DLGAP2: variants seen among roughly 807,000 people sequenced by gnomAD.
DLGAP2 encodes DLG associated protein 2.
A neutral mutation model predicts 100.3 loss-of-function variants in DLGAP2; 26 were observed. The observed-to-expected ratio is 0.26, with a 90% CI of 0.19 to 0.36. The LOEUF is 0.36. Ranked by LOEUF, DLGAP2 falls within the 10% of genes least tolerant of loss-of-function variation. DLGAP2 has a pLI of 1.00. For missense variants in DLGAP2, 1,858 were observed against 1,453.2 expected (o/e 1.28, Z -4.53); for synonymous variants, 886 against 630.1 (o/e 1.41, Z -6.08).
chr8:1,095,833 G>A (rs572657286), intron 2 of DLGAP2, among the ~76,000 whole-genome samples: 1 of 152,314 alleles, frequency 6.6e-6, no homozygotes, highest in South Asian at 2.1e-4. Context: ...ATTAGGAAGA[G>A]CTTATTTATT....
intron 2 of DLGAP2, among the ~76,000 whole-genome samples, chr8:1,105,554 G>A (rs555600757): frequency 8.5e-5 from 13 of 152,130 alleles, no homozygotes; most frequent in African/African-American, 1.9e-4. Flanking sequence ...GCTTCCTGCC[G>A]GTGCACTATC....
intron 2 of DLGAP2, among the ~76,000 whole-genome samples, chr8:984,057 TC>T (rs1348253998): frequency 6.6e-6 from 1 of 152,188 alleles, no homozygotes; most frequent in Non-Finnish European, 1.5e-5. Context: ...CGGTCACTCC[TC>T]CCGGTGTCTC....
chr8:806,403 G>A (rs1796270371), intron 1 of DLGAP2, among the ~76,000 whole-genome samples: 1 of 152,192 alleles, frequency 6.6e-6, no homozygotes, highest in Admixed American at 6.5e-5. Context: ...TGAGTGGCGT[G>A]CGCGTCTCTG....
chr8:886,163 T>G (rs1376234463), intron 1 of DLGAP2, among the ~76,000 whole-genome samples: 2 of 152,140 alleles, frequency 1.3e-5, no homozygotes, highest in African/African-American at 4.8e-5. Context: ...TCCAGTTATT[T>G]TAGATTTTCT....
intron 3 of DLGAP2, among the ~76,000 whole-genome samples, chr8:1,276,973 A>G (rs956152606): frequency 6.6e-6 from 1 of 152,188 alleles, no homozygotes; most frequent in Middle Eastern, 3.2e-3. Flanking sequence ...TATCATTTTT[A>G]GTGGTTGCAT....
In DLGAP2 at chr8:1,058,922, C is replaced by G. The variant is rs59059626; in HGVS notation, c.73+150956C>G. On this transcript the variant is annotated intron_variant, in intron 2 of 14. Coordinates refer to ENST00000637795, the MANE Select transcript of DLGAP2 (RefSeq NM_001346810.2). ...CCTACCTCAAAAGACCTCATCAAAA[C>G]TGGTGTTAGAAGCTTGAGGTGGAAT... is the stretch of plus-strand genomic sequence containing the variant. Among the ~76,000 whole-genome samples the G allele has an allele frequency of 2.6e-4, 39 of 152,322 alleles. No individual in the cohort carries two copies. In the East Asian group the frequency reaches 7.3e-3, roughly 29 times the overall value.
At chr8:1,028,188 G>T (rs1489575351) in intron 2 of DLGAP2, among the ~76,000 whole-genome samples, 1 of 144,966 alleles carries the variant, frequency 6.9e-6, no homozygotes, top group Non-Finnish European at 1.5e-5. Flanking sequence ...TCCAGTTGGG[G>T]TGCCAGGCGC....
chr8:1,142,693 AG>A (rs1363677327), intron 2 of DLGAP2, among the ~76,000 whole-genome samples: 7 of 152,126 alleles, frequency 4.6e-5, no homozygotes, highest in Admixed American at 4.6e-4. Context: ...CGGCTTTGCT[AG>A]GGCAGGACGG....
chr8:1,582,723 G>A (rs1795983039), intron 6 of DLGAP2, among the ~76,000 whole-genome samples: 1 of 152,102 alleles, frequency 6.6e-6, no homozygotes. Flanking sequence ...CCGAGCAGCT[G>A]GGATTACAAG....
intron 3 of DLGAP2, among the ~76,000 whole-genome samples, chr8:1,382,043 CA>C (rs1162217896): frequency 1.3e-5 from 2 of 152,044 alleles, no homozygotes; most frequent in African/African-American, 4.8e-5. Flanking sequence ...TTAGTGGTAG[CA>C]ACCCCCTCAT....
intron 7 of DLGAP2, 109 bp from the exon 8 acceptor site, chr8:1,632,718 A>T: frequency 3.8e-6 from 4 of 1,051,206 alleles, no homozygotes; most frequent in Non-Finnish European, 5.5e-6. Context: ...GTGCTGAACT[A>T]TGAGGCAGTG....
chr8:1,123,155 T>A (rs971718554), intron 2 of DLGAP2, among the ~76,000 whole-genome samples: 24 of 152,242 alleles, frequency 1.6e-4, no homozygotes, highest in African/African-American at 5.8e-4. Flanking sequence ...TGATCGCCTT[T>A]GACAATTTTG....
intron 2 of DLGAP2, among the ~76,000 whole-genome samples, chr8:1,225,068 G>A (rs1798387352): frequency 6.6e-6 from 1 of 152,214 alleles, no homozygotes; most frequent in Admixed American, 6.5e-5. Context: ...AAATGGAAAA[G>A]AATGCCATCC....
intron 2 of DLGAP2, among the ~76,000 whole-genome samples, chr8:1,139,489 C>T (rs1796483556): frequency 6.6e-6 from 1 of 152,214 alleles, no homozygotes; most frequent in African/African-American, 2.4e-5. Flanking sequence ...AGCAAGGGGC[C>T]TCCCTCGGCG....
chr8:1,312,310 A>C (rs1459934077), intron 3 of DLGAP2, among the ~76,000 whole-genome samples: 5 of 152,230 alleles, frequency 3.3e-5, no homozygotes, highest in Non-Finnish European at 7.3e-5. Flanking sequence ...CACCGAAGGC[A>C]CCTAGGAAAG....
At chr8:1,093,212 C>T (rs560774704) in intron 2 of DLGAP2, among the ~76,000 whole-genome samples, 1 of 152,360 alleles carries the variant, frequency 6.6e-6, no homozygotes, top group African/African-American at 2.4e-5. Context: ...TTCTAAAAAA[C>T]ACCTTCACAC....
intron 3 of DLGAP2, among the ~76,000 whole-genome samples, chr8:1,467,599 C>T (rs1372103554): frequency 1.3e-5 from 2 of 152,158 alleles, no homozygotes; most frequent in Non-Finnish European, 2.9e-5. Context: ...GGGAGGGTTT[C>T]AGGGAGTGTT....
At chr8:1,513,973 G>T (rs779854902) in intron 4 of DLGAP2, among the ~76,000 whole-genome samples, 16 of 152,162 alleles carry the variant, frequency 1.1e-4, no homozygotes, top group Non-Finnish European at 1.9e-4. Context: ...GAACTGAAAG[G>T]TACCAGGAGC....
intron 3 of DLGAP2, among the ~76,000 whole-genome samples, chr8:1,447,449 G>C (rs1398484028): frequency 6.6e-6 from 1 of 152,184 alleles, no homozygotes; most frequent in Admixed American, 6.5e-5. Flanking sequence ...CTTGATCATG[G>C]TGGATAAGCT....
Sources: gnomAD v4.1 joint callset for allele counts (sites outside exome capture counted in the v4.1 genomes callset) on GRCh38, gnomAD v4.1.1 for gene constraint, MANE v1.5 for transcripts, NCBI Gene and HGNC (gene_info 2026-07-23, HGNC 2026-07-21) for gene names.